The following ALDH8A1 variants were observed in gnomAD, a reference collection of about 807,000 sequenced individuals.
ALDH8A1 encodes the protein aldehyde dehydrogenase 8 family member A1, also known as 2-aminomuconic semialdehyde dehydrogenase.
ALDH8A1 carries 39 observed loss-of-function variants against 43.3 expected under a neutral mutation model. The ratio of observed to expected loss-of-function variants is 0.90; its 90% CI spans 0.70 to 1.18. The LOEUF (loss-of-function observed/expected upper bound fraction) is 1.18. ALDH8A1 is among the 50% of genes most tolerant of loss of function. The pLI, the probability that ALDH8A1 is intolerant of heterozygous loss-of-function variation, is 0.00. For synonymous variants in ALDH8A1, 233 were observed against 243.5 expected (o/e 0.96, Z 0.40); for missense variants, 605 against 622.6 (o/e 0.97, Z 0.30).
intron 4 of ALDH8A1, among the ~76,000 whole-genome samples, chr6:134,934,517 G>A (rs1322400253): frequency 6.6e-6 from 1 of 152,204 alleles, no homozygotes; most frequent in Non-Finnish European, 1.5e-5. Flanking sequence ...AGGATACGTA[G>A]TGAGGGTTTT....
At chr6:134,930,357 CAG>C (rs1776963029) in intron 5 of ALDH8A1, among the ~76,000 whole-genome samples, 1 of 152,166 alleles carries the variant, frequency 6.6e-6, no homozygotes, top group Admixed American at 6.6e-5. Context: ...GGGGTTATAA[CAG>C]ATTTCTCAGT....
At chr6:134,918,962 G>A (rs1776754749) in intron 6 of ALDH8A1, 95 bp from the exon 7 acceptor site, 2 of 1,352,070 alleles carry the variant, frequency 1.5e-6, no homozygotes, top group Non-Finnish European at 2.0e-6. Flanking sequence ...CTCGGAAGGA[G>A]GGATAAGGTC....
At position 134,931,097 on chromosome 6, in the gene ALDH8A1, T is replaced by C. The variant is rs532058355; in HGVS notation, c.849+1679A>G. Among the ~76,000 whole-genome samples, 26 of 152,268 alleles carry C rather than the reference T, an allele frequency of 1.7e-4. No homozygotes were observed. The South Asian group carries it at 3.7e-3, about 22-fold the overall frequency. ...TTTATTTATTTTGCCTAAAATCCAT[T>C]TGTGACCTTGGATTAGCCAATTAGT... On this transcript the variant is annotated intron_variant, in intron 5 of 6. Transcript: ENST00000265605.
chr6:134,949,331 T>C (rs1172653740), intron 1 of ALDH8A1, among the ~76,000 whole-genome samples: 1 of 152,186 alleles, frequency 6.6e-6, no homozygotes, highest in African/African-American at 2.4e-5. Context: ...GCATATGCCA[T>C]TAAACACTTT....
At chr6:134,935,049 T>A (rs1468351061) in intron 4 of ALDH8A1, among the ~76,000 whole-genome samples, 1 of 152,182 alleles carries the variant, frequency 6.6e-6, no homozygotes, top group Non-Finnish European at 1.5e-5. Flanking sequence ...AAATTTCTGT[T>A]CCCTTTGCCC....
In ALDH8A1 at chr6:134,929,139, T is replaced by C. The variant is rs1467165810; in HGVS notation, c.926A>G (p.Glu309Gly). The part of the protein sequence containing the change: ...IYSEFLKRFV[E>G]ATRKWKVGIP... Reference sequence around the variant, plus strand: ...GCCGACTTTCCACTTTCTGGTAGCTTCTACAAATCTCTTTAAAAATTCACT... The same window carrying C: ...GCCGACTTTCCACTTTCTGGTAGCTCCTACAAATCTCTTTAAAAATTCACT... Residue 309 changes from glutamate (E) to glycine (G), a missense_variant, in exon 6 of 7, where the codon GAA (glutamate) becomes GGA (glycine). Glu to Gly is a moderately conservative substitution (Grantham distance 98). Transcript: ENST00000265605. 6.2e-7 allele frequency: 1 copy of C among 1,614,192 alleles called. No individual in the cohort carries two copies. The highest frequency in any genetic ancestry group is 8.5e-7 in the Non-Finnish European group (1 of 1,180,020).
chr6:134,919,814 A>G (rs1776766298), intron 6 of ALDH8A1, among the ~76,000 whole-genome samples: 1 of 152,230 alleles, frequency 6.6e-6, no homozygotes, highest in African/African-American at 2.4e-5. Flanking sequence ...AACTATATTC[A>G]GTGTAGAACT....
Position 134,949,954 on chromosome 6 carries a change from C to T in ALDH8A1, c.100G>A (p.Glu34Lys). The T allele has an allele frequency of 6.2e-7, 1 of 1,612,150 alleles. No individual in the cohort carries two copies. The highest frequency in any genetic ancestry group is 1.1e-5 in the South Asian group (1 of 90,370). ...YIDSYDPSTGEVYCRVPNSGK... is the reference protein window; with the variant it reads ...YIDSYDPSTGKVYCRVPNSGK... Reference sequence around the variant, plus strand: ...CTATTTGGCACTCTGCAATACACTTCCCCTGTTGATGGGTCGTAAGAATCT... The same window carrying T: ...CTATTTGGCACTCTGCAATACACTTTCCCTGTTGATGGGTCGTAAGAATCT... Residue 34 changes from glutamate (E) to lysine (K), a missense_variant, in exon 1 of 7, where the codon GAA (glutamate) becomes AAA (lysine). Coordinates refer to ENST00000265605, the MANE Select transcript of ALDH8A1 (RefSeq NM_022568.4).
At chr6:134,941,743 G>A (rs527714279) in intron 3 of ALDH8A1, among the ~76,000 whole-genome samples, 57 of 151,830 alleles carry the variant, frequency 3.8e-4, no homozygotes, top group Non-Finnish European at 7.1e-4. Context: ...CAGGCTGATC[G>A]AATTCCTGAC....
chr6:134,924,563 T>A (rs1776855513), intron 6 of ALDH8A1, among the ~76,000 whole-genome samples: 1 of 152,220 alleles, frequency 6.6e-6, no homozygotes. Flanking sequence ...ATGCCCAGAA[T>A]CCATCACAAC....
At chr6:134,942,830 G>GT (rs1214769848) in intron 2 of ALDH8A1, among the ~76,000 whole-genome samples, 1 of 152,202 alleles carries the variant, frequency 6.6e-6, no homozygotes, top group Non-Finnish European at 1.5e-5. Context: ...CTCATCACCA[G>GT]TTTGCCAGAT....
chr6:134,927,010 A>C (rs900690866), intron 6 of ALDH8A1, among the ~76,000 whole-genome samples: 3 of 152,154 alleles, frequency 2.0e-5, no homozygotes, highest in African/African-American at 7.2e-5. Context: ...CTTCTTGTCC[A>C]TGTGCAGCAG....
chr6:134,924,417 G>T (rs1003489639), intron 6 of ALDH8A1, among the ~76,000 whole-genome samples: 1 of 152,124 alleles, frequency 6.6e-6, no homozygotes, highest in Non-Finnish European at 1.5e-5. Flanking sequence ...CTCAACCTTG[G>T]ACTGGTGCCT....
intron 1 of ALDH8A1, among the ~76,000 whole-genome samples, chr6:134,946,050 GGCCTCCCCAGCCAT>G (rs1461737156): frequency 6.6e-6 from 1 of 152,110 alleles, no homozygotes; most frequent in East Asian, 1.9e-4. Context: ...AGTTTCCTGA[GGCCTCCCCAGCCAT>G]GCAGGACTGA....
chr6:134,944,917 C>CTA (rs111982258), intron 1 of ALDH8A1, among the ~76,000 whole-genome samples: 21,227 of 146,300 alleles, frequency 0.15, 2,301 homozygotes, highest in African/African-American at 0.27. Flanking sequence ...TACATATATA[C>CTA]TATATATATA....
chr6:134,933,142 T>G, intron 4 of ALDH8A1, 110 bp from the exon 5 acceptor site: 1 of 1,278,090 alleles, frequency 7.8e-7, no homozygotes, highest in South Asian at 1.7e-5. Flanking sequence ...TGGGTAGGGA[T>G]GGAGGAAGCA....
chr6:134,932,824 G>A lies in ALDH8A1; in HGVS notation c.801C>T (p.Asn267=), dbSNP rs1253760278. Reference sequence around the variant, plus strand: ...CGGTTGCCGGAATGCACTCATCCAGGTTGGCGTCCTCAAAGATGATGGCAG... The same window carrying A: ...CGGTTGCCGGAATGCACTCATCCAGATTGGCGTCCTCAAAGATGATGGCAG... ...KNPAIIFEDA[N]LDECIPATVR... The change falls in exon 5 of 7, where the codon AAC becomes AAT. Residue 267 remains asparagine, a synonymous_variant. Transcript: ENST00000265605. 1.2e-6 allele frequency: 2 copies of A among 1,614,104 alleles called. No individual in the cohort carries two copies. Among genetic ancestry groups the A allele is most frequent in the Admixed American group, 3.3e-5 (2 of 60,012 alleles).
chr6:134,936,510 T>A (rs1022502617), intron 4 of ALDH8A1, among the ~76,000 whole-genome samples: 1 of 152,052 alleles, frequency 6.6e-6, no homozygotes, highest in Non-Finnish European at 1.5e-5. Flanking sequence ...GGCATGCATG[T>A]GGGTGGATGG....
At chr6:134,939,019 G>A (rs979259082) in intron 4 of ALDH8A1, among the ~76,000 whole-genome samples, 4 of 152,156 alleles carry the variant, frequency 2.6e-5, no homozygotes, top group Admixed American at 6.5e-5. Context: ...TTAAGTCTGC[G>A]TCACTATTGT....
Sources: allele counts gnomAD v4.1 joint callset (sites outside exome capture counted in the v4.1 genomes callset), GRCh38; gene constraint gnomAD v4.1.1; transcripts MANE v1.5; gene names NCBI Gene and HGNC (gene_info 2026-07-23, HGNC 2026-07-21).